NELL2: variants seen among roughly 807,000 people sequenced by gnomAD.
NELL2 encodes the protein neural EGFL like 2.
In NELL2, 41 loss-of-function variants were observed where a neutral mutation model predicts 109.6. The ratio of observed to expected loss-of-function variants is 0.37; its 90% CI spans 0.29 to 0.49. The LOEUF is 0.49. Ranked by LOEUF, NELL2 falls within the 20% of genes least tolerant of loss-of-function variation. The pLI is 0.98. For synonymous variants in NELL2, 355 were observed against 344.7 expected, an observed-to-expected ratio of 1.03 and a Z score of -0.33; for missense variants, 900 against 1,008.3, an observed-to-expected ratio of 0.89 and a Z score of 1.45.
At chr12:44,684,353 C>T (rs939522366) in intron 12 of NELL2, among the ~76,000 whole-genome samples, 32 of 151,960 alleles carry the variant, frequency 2.1e-4, no homozygotes, top group Non-Finnish European at 4.3e-4. Context: ...TTTTGTTGAT[C>T]CTTTCAAAAA....
intron 13 of NELL2, among the ~76,000 whole-genome samples, chr12:44,622,810 G>A (rs1049340808): frequency 2.6e-5 from 4 of 152,036 alleles, no homozygotes; most frequent in Admixed American, 2.0e-4. Flanking sequence ...ATTTTAAAAC[G>A]AGCTTCATTA....
At chr12:44,670,562 A>G (rs1420948163) in intron 12 of NELL2, among the ~76,000 whole-genome samples, 1 of 151,848 alleles carries the variant, frequency 6.6e-6, no homozygotes, top group African/African-American at 2.4e-5. Context: ...AGTACAAGAA[A>G]CCTATTTCAT....
At chr12:44,667,239 A>T (rs934184733) in intron 12 of NELL2, among the ~76,000 whole-genome samples, 16 of 152,172 alleles carry the variant, frequency 1.1e-4, no homozygotes, top group Non-Finnish European at 2.2e-4. Flanking sequence ...AAACAAAAAC[A>T]AAAAAACACT....
At chr12:44,539,078 A>G (rs896722062) in intron 15 of NELL2, among the ~76,000 whole-genome samples, 2 of 152,100 alleles carry the variant, frequency 1.3e-5, no homozygotes, top group Non-Finnish European at 2.9e-5. Context: ...TTGATCTCCT[A>G]TTACTTAATG....
chr12:44,529,755 T>G (rs545577782), intron 16 of NELL2, among the ~76,000 whole-genome samples: 1 of 152,284 alleles, frequency 6.6e-6, no homozygotes, highest in East Asian at 1.9e-4. Flanking sequence ...AAGTGGAAAT[T>G]GTTAGTAATC....
At chr12:44,603,763 C>T (rs746096759) in intron 15 of NELL2, among the ~76,000 whole-genome samples, 2 of 152,112 alleles carry the variant, frequency 1.3e-5, no homozygotes, top group Non-Finnish European at 2.9e-5. Context: ...TACTAAGATA[C>T]ACATGATGCA....
chr12:44,875,332 G>C lies in NELL2; in HGVS notation c.77C>G (p.Pro26Arg). The change falls in exon 2 of 20, where the codon CCT becomes CGT. Residue 26 changes from proline (P) to arginine (R), a missense_variant. Pro to Arg is a moderately radical substitution (Grantham distance 103, BLOSUM62 -2). Around this residue, in one of 4 missense-constraint regions of NELL2, gnomAD observed 200 missense variants for 191.8 expected, o/e 1.04. Coordinates refer to ENST00000429094, the MANE Select transcript of NELL2 (RefSeq NM_001145108.2). ...LGAVWGLGVD[P>R]SLQIDVLTEL... ...TGTTAAGACGTCAATCTGTAGGGAAGGGTCCACACCAAGCCCCCAAACTGG... is the reference window on the plus strand; with the variant it reads ...TGTTAAGACGTCAATCTGTAGGGAACGGTCCACACCAAGCCCCCAAACTGG... The C allele has an allele frequency of 1.9e-6, 3 of 1,614,088 alleles. No homozygotes were observed. The highest frequency in any genetic ancestry group is 2.2e-5 in the East Asian group (1 of 44,866).
At chr12:44,544,152 A>T (rs781228447) in intron 15 of NELL2, among the ~76,000 whole-genome samples, 3 of 152,134 alleles carry the variant, frequency 2.0e-5, no homozygotes, top group Admixed American at 6.6e-5. Context: ...GGAAAAATAT[A>T]TTGCTGAAGT....
In NELL2 at chr12:44,895,666, C is replaced by A. The variant is rs572416085; in HGVS notation, c.38+18133G>T. Among the ~76,000 whole-genome samples, 3 of 152,166 alleles carry A rather than the reference C, an allele frequency of 2.0e-5. No individual in the cohort carries two copies. In the South Asian group the frequency reaches 6.2e-4, roughly 32 times the overall value. On this transcript the variant is annotated intron_variant, in intron 1 of 20. Coordinates refer to the NELL2 transcript ENST00000333837. ...GGGAGATTCTAATTTGTATCCACAG[C>A]AATAAGATTTTTGTTGAGGCTTTTT... is the stretch of plus-strand genomic sequence containing the variant.
rs1439301860 is a variant in NELL2 at position 44,791,224 on chromosome 12, A to ATATATATATATC, written c.336-11203_336-11202insGATATATATATA. On this transcript the variant is annotated intron_variant, in intron 3 of 19. Coordinates refer to ENST00000429094, the MANE Select transcript of NELL2 (RefSeq NM_001145108.2). ...TATATATATATATATATATATATAT[A>ATATATATATATC]TATGATGGAATACTACTCAGCCATA... Among the ~76,000 whole-genome samples, 29 of 95,120 alleles carry ATATATATATATC rather than the reference A, an allele frequency of 3.0e-4. 2 individuals are homozygous for ATATATATATATC. Among genetic ancestry groups the ATATATATATATC allele is most frequent in the Non-Finnish European group, 5.3e-4 (24 of 45,704 alleles). 62.4% of individuals were successfully genotyped at this position (95,120 alleles called of 152,430 possible).
At chr12:44,920,642 A>G (rs1217652587) in intron 1 of NELL2, among the ~76,000 whole-genome samples, 1 of 152,234 alleles carries the variant, frequency 6.6e-6, no homozygotes, top group Non-Finnish European at 1.5e-5. Flanking sequence ...CACATATCAC[A>G]TAATAAAAAG....
At chr12:44,765,506 C>T (rs1941293152) in intron 9 of NELL2, among the ~76,000 whole-genome samples, 3 of 152,124 alleles carry the variant, frequency 2.0e-5, no homozygotes, top group African/African-American at 2.4e-5. Context: ...ATTCTAGCAA[C>T]TGAGGTGAAA....
intron 12 of NELL2, 130 bp downstream of exon 12, chr12:44,703,596 A>AT: frequency 1.1e-6 from 1 of 936,912 alleles, no homozygotes; most frequent in Non-Finnish European, 1.7e-6. Flanking sequence ...TAGCTGATTA[A>AT]TATGCTTCAA....
At chr12:44,625,482 A>G (rs368046355) in intron 13 of NELL2, among the ~76,000 whole-genome samples, 1 of 152,066 alleles carries the variant, frequency 6.6e-6, no homozygotes, top group African/African-American at 2.4e-5. Context: ...ATTATTTATC[A>G]TTGCCAAACC....
At chr12:44,858,397 C>T (rs952297248) in intron 2 of NELL2, among the ~76,000 whole-genome samples, 1 of 152,178 alleles carries the variant, frequency 6.6e-6, no homozygotes, top group African/African-American at 2.4e-5. Context: ...GGGAGAGACA[C>T]ATGGTTGCCC....
intron 2 of NELL2, among the ~76,000 whole-genome samples, chr12:44,861,707 C>T (rs537266116): frequency 2.0e-5 from 3 of 152,346 alleles, no homozygotes; most frequent in Admixed American, 1.3e-4. Flanking sequence ...TGGACTATGG[C>T]TCCAGGCTAG....
intron 3 of NELL2, among the ~76,000 whole-genome samples, chr12:44,809,526 C>A (rs575789623): frequency 4.6e-5 from 7 of 152,064 alleles, no homozygotes; most frequent in Admixed American, 6.6e-5. Context: ...ACTGAAATGA[C>A]TGAAGAGCCA....
chr12:44,888,840 TA>T (rs557017618), intron 1 of NELL2, among the ~76,000 whole-genome samples: 2,567 of 148,722 alleles, frequency 0.017, 106 homozygotes, highest in African/African-American at 0.059. Flanking sequence ...TGCCATAAAA[TA>T]AAAAAAAAAT....
intron 15 of NELL2, among the ~76,000 whole-genome samples, chr12:44,599,689 G>T (rs1160529339): frequency 2.6e-5 from 4 of 152,104 alleles, no homozygotes; most frequent in Admixed American, 2.6e-4. Flanking sequence ...ATTCCAAAAC[G>T]ATGAAAGCGG....
Sources: gnomAD v4.1 joint callset for allele counts (sites outside exome capture counted in the v4.1 genomes callset) on GRCh38, gnomAD v4.1.1 for gene constraint, gnomAD v4.1.1 regional missense constraint, MANE v1.5 for transcripts, NCBI Gene and HGNC (gene_info 2026-07-23, HGNC 2026-07-21) for gene names.